Variants in TBC1D12 observed in about 807,000 individuals in gnomAD.
TBC1D12 encodes TBC1 domain family, member 12.
Under a neutral mutation model 86.7 loss-of-function variants are expected in TBC1D12, and 56 were observed. The ratio of observed to expected loss-of-function variants is 0.65; its 90% CI spans 0.52 to 0.81. TBC1D12 has a LOEUF of 0.81. Ranked by LOEUF, TBC1D12 falls within the 30% of genes least tolerant of loss-of-function variation. The probability of loss-of-function intolerance (pLI) is 0.00; values close to 1 mark genes in which losing one functional copy is unlikely to be tolerated. For missense variants in TBC1D12, 1,023 were observed against 1,038.8 expected (o/e 0.98, Z 0.21); for synonymous variants, 421 against 411.7 (o/e 1.02, Z -0.27).
intron 12 of TBC1D12, 90 bp from the exon 13 acceptor site, chr10:94,532,937 CT>C: frequency 1.4e-6 from 1 of 733,064 alleles, no homozygotes; most frequent in Admixed American, 3.3e-5. Context: ...TATAATAAAG[CT>C]TTTTCATGTT....
At chr10:94,503,246 T>C (rs941121217) in intron 6 of TBC1D12, among the ~76,000 whole-genome samples, 2 of 152,192 alleles carry the variant, frequency 1.3e-5, no homozygotes, top group African/African-American at 2.4e-5. Flanking sequence ...AAAAAAGACA[T>C]ATATGTTAAC....
At chr10:94,458,955 C>G (rs552451563) in intron 2 of TBC1D12, among the ~76,000 whole-genome samples, 1 of 152,084 alleles carries the variant, frequency 6.6e-6, no homozygotes, top group Non-Finnish European at 1.5e-5. Flanking sequence ...AGTGAAAAAA[C>G]AAAGCTTCCA....
rs1481351280 is a variant in TBC1D12 at position 94,535,297 on chromosome 10, G to A, written c.*2201G>A. 6.6e-6 allele frequency: 1 copy of A among 152,146 alleles called. No individual in the cohort carries two copies. Among genetic ancestry groups the A allele is most frequent in the African/African-American group, 2.4e-5 (1 of 41,426 alleles). 9.4% of individuals were successfully genotyped at this position (152,146 alleles called of 1,614,324 possible). A position where few individuals can be genotyped will look rare whatever the true frequency, so the allele number is the denominator to read the frequency against. ...TTAAATTTGAACCTAAATCACTTGA[G>A]TGTTATGAGTGATGGCTATATAACA... On this transcript the variant is annotated 3_prime_UTR_variant, in exon 13 of 13. Coordinates refer to ENST00000225235, the MANE Select transcript of TBC1D12 (RefSeq NM_015188.2).
chr10:94,426,554 A>C (rs1210209651), intron 1 of TBC1D12, among the ~76,000 whole-genome samples: 1 of 151,902 alleles, frequency 6.6e-6, no homozygotes, highest in Non-Finnish European at 1.5e-5. Context: ...TTTTCCTTTT[A>C]CATATTGTCA....
chr10:94,448,326 T>C (rs2134100489), intron 2 of TBC1D12, among the ~76,000 whole-genome samples: 1 of 152,298 alleles, frequency 6.6e-6, no homozygotes, highest in South Asian at 2.1e-4. Context: ...ATTTTATTGG[T>C]ATGTGTAATA....
rs2056483247 is a variant in TBC1D12 at position 94,508,103 on chromosome 10, A to G, written c.1600+756A>G. Among the ~76,000 whole-genome samples, 3 of 152,188 alleles carry G rather than the reference A, an allele frequency of 2.0e-5. No homozygotes were observed. In the South Asian group the frequency reaches 6.2e-4, roughly 31 times the overall value. On this transcript the variant is annotated intron_variant, in intron 7 of 12. Transcript: ENST00000225235. ...GTTTTCTTATTTCCTGGATATGTAT[A>G]ATTTGCATGTGTCATTTAACTTTTT...
At chr10:94,428,600 C>T (rs1306336698) in intron 1 of TBC1D12, among the ~76,000 whole-genome samples, 2 of 151,270 alleles carry the variant, frequency 1.3e-5, no homozygotes, top group Admixed American at 6.6e-5. Context: ...CCTGTAAGTA[C>T]ATCATTTACT....
At chr10:94,465,416 G>C (rs2055791510) in intron 2 of TBC1D12, among the ~76,000 whole-genome samples, 1 of 152,132 alleles carries the variant, frequency 6.6e-6, no homozygotes, top group Non-Finnish European at 1.5e-5. Flanking sequence ...GGGAGGATGA[G>C]GCAGGTGGAT....
chr10:94,515,191 G>A (rs1193509397), intron 9 of TBC1D12, among the ~76,000 whole-genome samples: 1 of 151,708 alleles, frequency 6.6e-6, no homozygotes, highest in African/African-American at 2.4e-5. Context: ...ACAGGCGTGA[G>A]CCACCGCGCC....
At chr10:94,458,105 A>G (rs1308549935) in intron 2 of TBC1D12, among the ~76,000 whole-genome samples, 1 of 152,130 alleles carries the variant, frequency 6.6e-6, no homozygotes, top group South Asian at 2.1e-4. Context: ...GTGAAAGGCA[A>G]TCCCCACTGT....
chr10:94,472,725 G>C (rs2055926878), intron 2 of TBC1D12, among the ~76,000 whole-genome samples: 1 of 152,110 alleles, frequency 6.6e-6, no homozygotes, highest in South Asian at 2.1e-4. Flanking sequence ...CTAGATATTA[G>C]GAAAGAAAAT....
At chr10:94,462,947 AT>A (rs778874236) in intron 2 of TBC1D12, among the ~76,000 whole-genome samples, 4 of 151,662 alleles carry the variant, frequency 2.6e-5, no homozygotes, top group Admixed American at 6.6e-5. Context: ...CTTGCTTTGG[AT>A]GTATTTTGCT....
intron 1 of TBC1D12, among the ~76,000 whole-genome samples, chr10:94,418,375 A>G (rs1379472128): frequency 6.6e-6 from 1 of 152,186 alleles, no homozygotes; most frequent in African/African-American, 2.4e-5. Context: ...AGCATCTGTA[A>G]CTGAAATGTT....
chr10:94,522,190 A>G (rs939349962), intron 10 of TBC1D12, 107 bp downstream of exon 10: 8 of 1,337,814 alleles, frequency 6.0e-6, no homozygotes, highest in African/African-American at 6.0e-5. Flanking sequence ...TAAACTTATC[A>G]TTATATTATA....
chr10:94,510,744 C>A (rs2056515866), intron 8 of TBC1D12, among the ~76,000 whole-genome samples: 1 of 151,856 alleles, frequency 6.6e-6, no homozygotes, highest in African/African-American at 2.4e-5. Flanking sequence ...CTCAAGCAAT[C>A]CTCCTGCATC....
intron 9 of TBC1D12, 143 bp downstream of exon 9, chr10:94,511,797 ATCTT>A (rs921907708): frequency 3.1e-6 from 2 of 647,476 alleles, no homozygotes; most frequent in Admixed American, 5.7e-5. Flanking sequence ...CCAGTGAAGA[ATCTT>A]TCTATCTCTT....
Position 94,474,784 on chromosome 10 carries a change from G to C in TBC1D12, c.1211+1G>C, listed in dbSNP as rs756525844. The stretch of plus-strand genomic sequence containing the variant: ...CCTTGATTCTTGAGGATCGACCATC[G>C]TAAGTATTTTAGTGATAATCAGTGA... On this transcript the variant is annotated splice_donor_variant, in intron 3 of 12. Coordinates refer to ENST00000225235, the MANE Select transcript of TBC1D12 (RefSeq NM_015188.2). LOFTEE classifies it high-confidence loss of function. 2 of 1,611,958 alleles carry C rather than the reference G, an allele frequency of 1.2e-6. No homozygotes were observed. Among genetic ancestry groups the C allele is most frequent in the Non-Finnish European group, 1.7e-6 (2 of 1,178,248 alleles).
intron 1 of TBC1D12, among the ~76,000 whole-genome samples, chr10:94,437,712 T>G (rs1178154653): frequency 6.6e-6 from 1 of 152,152 alleles, no homozygotes; most frequent in Non-Finnish European, 1.5e-5. Flanking sequence ...TTCCTTTTTC[T>G]TCATTCTTTT....
intron 1 of TBC1D12, among the ~76,000 whole-genome samples, chr10:94,406,545 AC>A (rs1471685916): frequency 6.6e-6 from 1 of 152,240 alleles, no homozygotes; most frequent in Non-Finnish European, 1.5e-5. Context: ...TATGAAGAAC[AC>A]CATTCAGATT....
Sources: gnomAD v4.1 joint callset for allele counts (sites outside exome capture counted in the v4.1 genomes callset) on GRCh38, gnomAD v4.1.1 for gene constraint, MANE v1.5 for transcripts, NCBI Gene and HGNC (gene_info 2026-07-23, HGNC 2026-07-21) for gene names.